The following ATXN10 variants were observed in gnomAD, a reference collection of about 807,000 sequenced individuals.
ATXN10 encodes ataxin-10.
In ATXN10, 28 loss-of-function variants were observed where a neutral mutation model predicts 52.9. That is an observed-to-expected ratio of 0.53 (90% confidence interval 0.39 to 0.73). The LOEUF (loss-of-function observed/expected upper bound fraction) is 0.73, where lower values mean the gene tolerates loss of function less well. ATXN10 is among the 30% of genes least tolerant of loss of function. The probability of loss-of-function intolerance (pLI) is 0.00; values close to 1 mark genes in which losing one functional copy is unlikely to be tolerated. For synonymous variants in ATXN10, 226 were observed against 221.5 expected (o/e 1.02, Z -0.18); for missense variants, 565 against 577.0 (o/e 0.98, Z 0.21).
At position 45,787,520 on chromosome 22, in the gene ATXN10, G is replaced by C. The variant is rs1359630446; in HGVS notation, c.1174-19439G>C. On this transcript the variant is annotated intron_variant, in intron 9 of 11. Transcript: ENST00000252934. This position sits in a 1 kb window ranked among gnomAD's most constrained non-coding sequence, Gnocchi z 4.2. ...CCCAAGCCTGGCATTTGCTTCTTTT[G>C]ACCTTCGGTACTCAGTAGACTTACT... Among the ~76,000 whole-genome samples the C allele has an allele frequency of 3.3e-5, 5 of 152,108 alleles. No homozygotes were observed. The highest frequency in any genetic ancestry group is 2.6e-4 in the Admixed American group (4 of 15,278).
At chr22:45,721,344 C>G (rs866175243) in intron 6 of ATXN10, among the ~76,000 whole-genome samples, 1 of 152,114 alleles carries the variant, frequency 6.6e-6, no homozygotes, top group Non-Finnish European at 1.5e-5. Flanking sequence ...AGGACAGATG[C>G]TAGTGCTGCC....
At position 45,790,797 on chromosome 22, in the gene ATXN10, A is replaced by G. The variant is rs746107908; in HGVS notation, c.1174-16162A>G. 6.6e-6 allele frequency among the ~76,000 whole-genome samples: 1 copy of G among 152,024 alleles called. No individual in the cohort carries two copies. The highest frequency in any genetic ancestry group is 1.9e-4 in the East Asian group (1 of 5,192). ...ACACAGTGCGTTTTCATTCCTCTTT[A>G]TATCTTTTTATCCTGACCTTCTAGA... On this transcript the variant is annotated intron_variant, in intron 9 of 11. Transcript: ENST00000252934. The surrounding 1 kb of genome is among the most constrained non-coding windows in gnomAD (Gnocchi z 4.7).
rs751942762 is a variant in ATXN10, at chr22:45,697,992, T to A, written c.392-2290T>A. On this transcript the variant is annotated intron_variant, in intron 3 of 11. Transcript: ENST00000252934. ...TGTGTATCATTACTTCGTTCCTCTT[T>A]ATGGTGGAATAATACTCCGTTGTTT... is the stretch of plus-strand genomic sequence containing the variant. 5.3e-5 allele frequency among the ~76,000 whole-genome samples: 8 copies of A among 152,244 alleles called. 2 individuals carry two copies. The highest frequency in any genetic ancestry group is 3.3e-4 in the Admixed American group (5 of 15,288).
At chr22:45,768,383 A>G (rs566760831) in intron 9 of ATXN10, among the ~76,000 whole-genome samples, 12 of 152,160 alleles carry the variant, frequency 7.9e-5, no homozygotes, top group Middle Eastern at 3.4e-3. Context: ...TGGTTTGAGG[A>G]TGAAAAAAAA....
intron 9 of ATXN10, among the ~76,000 whole-genome samples, chr22:45,756,971 C>G (rs1383916544): frequency 6.6e-6 from 1 of 152,156 alleles, no homozygotes; most frequent in African/African-American, 2.4e-5. Context: ...GAATCCCACT[C>G]CATCAGCACG....
chr22:45,806,329 G>C (rs1195894212), intron 9 of ATXN10, among the ~76,000 whole-genome samples: 1 of 151,984 alleles, frequency 6.6e-6, no homozygotes, highest in Non-Finnish European at 1.5e-5. Flanking sequence ...TGTCTTTTTA[G>C]TTTATTTGTA....
intron 10 of ATXN10, among the ~76,000 whole-genome samples, chr22:45,807,566 T>C (rs949356544): frequency 1.3e-5 from 2 of 152,258 alleles, no homozygotes; most frequent in African/African-American, 4.8e-5. Flanking sequence ...CTGAGAGCAC[T>C]GGCTCTTGCC....
At chr22:45,765,905 T>C (rs1042920372) in intron 9 of ATXN10, among the ~76,000 whole-genome samples, 4 of 152,112 alleles carry the variant, frequency 2.6e-5, no homozygotes, top group African/African-American at 9.7e-5. Flanking sequence ...GATAAATAAA[T>C]GAGCAGTAAT....
chr22:45,702,245 C>T (rs1361351656), intron 4 of ATXN10, among the ~76,000 whole-genome samples: 1 of 152,180 alleles, frequency 6.6e-6, no homozygotes, highest in Non-Finnish European at 1.5e-5. Context: ...GGAGTTATAG[C>T]GAGGCTCCTG....
intron 5 of ATXN10, among the ~76,000 whole-genome samples, chr22:45,709,492 G>A (rs935557149): frequency 2.6e-5 from 4 of 151,730 alleles, no homozygotes; most frequent in Admixed American, 6.6e-5. Context: ...TCTCATCTTT[G>A]TCTCATTTTT....
In ATXN10 at chr22:45,769,304, A is replaced by C. The variant is rs1052501809; in HGVS notation, c.1173+28766A>C. Among the ~76,000 whole-genome samples the C allele has an allele frequency of 6.6e-6, 1 of 152,002 alleles. No homozygotes were observed. The highest frequency in any genetic ancestry group is 1.5e-5 in the Non-Finnish European group (1 of 68,018). On this transcript the variant is annotated intron_variant, in intron 9 of 11. Transcript: ENST00000252934. This position sits in a 1 kb window ranked among gnomAD's most constrained non-coding sequence, Gnocchi z 4.2. ...CGTTCATCCCCTCTCCCCCATACAG[A>C]CACATTTTTGTTGTTATATTCATAG...
chr22:45,842,846 T>G lies in ATXN10; in HGVS notation c.1238-145T>G. On this transcript the variant is annotated intron_variant, in intron 10 of 11. Coordinates refer to ENST00000252934, the MANE Select transcript of ATXN10 (RefSeq NM_013236.4). The surrounding 1 kb of genome is among the most constrained non-coding windows in gnomAD (Gnocchi z 4.8). The stretch of plus-strand genomic sequence containing the variant: ...AATGTGTTTGCACTTGAGATGCATA[T>G]TCAGAGAATGCATCCTCAAGAAAAC... 1.1e-6 allele frequency: 1 copy of G among 871,256 alleles called. No homozygotes were observed. Among genetic ancestry groups the G allele is most frequent in the Non-Finnish European group, 1.9e-6 (1 of 531,572 alleles). 54.0% of individuals were successfully genotyped at this position (871,256 alleles called of 1,614,324 possible). A position where few individuals can be genotyped will look rare whatever the true frequency, so the allele number is the denominator to read the frequency against.
chr22:45,697,703 C>T (rs1923670084), intron 3 of ATXN10, among the ~76,000 whole-genome samples: 1 of 152,268 alleles, frequency 6.6e-6, no homozygotes, highest in African/African-American at 2.4e-5. Context: ...GATCTCGGCT[C>T]ACTGCAGGCT....
At chr22:45,711,387 T>C (rs899186323) in intron 5 of ATXN10, among the ~76,000 whole-genome samples, 6 of 152,144 alleles carry the variant, frequency 3.9e-5, no homozygotes, top group African/African-American at 7.2e-5. Context: ...GCTGGAGTTA[T>C]AGGCGGGTGA....
chr22:45,842,917 C>A lies in ATXN10; in HGVS notation c.1238-74C>A, dbSNP rs1196896394. The stretch of plus-strand genomic sequence containing the variant: ...TTCCGTGTTTCTGTGCTCCTCTACT[C>A]CTTTTCTGATAATTCTTATGTGAAG... On this transcript the variant is annotated intron_variant, in intron 10 of 11. Transcript: ENST00000252934. This position sits in a 1 kb window ranked among gnomAD's most constrained non-coding sequence, Gnocchi z 4.8. 1.3e-6 allele frequency: 2 copies of A among 1,511,890 alleles called. No homozygotes were observed. Among genetic ancestry groups the A allele is most frequent in the Non-Finnish European group, 1.8e-6 (2 of 1,088,328 alleles). The allele number at this position is 1,511,890 out of a possible 1,614,324, so 93.7% of individuals were successfully genotyped here. A position where few individuals can be genotyped will look rare whatever the true frequency, so the allele number is the denominator to read the frequency against.
chr22:45,711,720 C>T (rs867669653), intron 5 of ATXN10, among the ~76,000 whole-genome samples: 9 of 152,258 alleles, frequency 5.9e-5, no homozygotes, highest in Middle Eastern at 3.4e-3. Context: ...AACCCAAACT[C>T]GGTAAAGCAC....
At chr22:45,829,882 A>G (rs12167989) in intron 10 of ATXN10, among the ~76,000 whole-genome samples, 6 of 152,194 alleles carry the variant, frequency 3.9e-5, no homozygotes, top group Non-Finnish European at 8.8e-5. Context: ...TCCAAACTTC[A>G]TATGGAATCC....
rs1424071214 is a variant in ATXN10 at position 45,780,472 on chromosome 22, CTG to C, written c.1174-26486_1174-26485del. On this transcript the variant is annotated intron_variant, in intron 9 of 11. Transcript: ENST00000252934. The surrounding 1 kb of genome is among the most constrained non-coding windows in gnomAD (Gnocchi z 4.0). Reference sequence around the variant, plus strand: ...CAGTGTGGTGGGAGGAGGTCTGGCTCTGGAGTCAGGCAGACCTAGGTTCAACC... The same window carrying C: ...CAGTGTGGTGGGAGGAGGTCTGGCTCGAGTCAGGCAGACCTAGGTTCAACC... 6.7e-6 allele frequency among the ~76,000 whole-genome samples: 1 copy of C among 149,744 alleles called. No homozygotes were observed. Among genetic ancestry groups the C allele is most frequent in the Non-Finnish European group, 1.5e-5 (1 of 66,366 alleles).
chr22:45,778,779 G>T lies in ATXN10; in HGVS notation c.1174-28180G>T, dbSNP rs1927047426. On this transcript the variant is annotated intron_variant, in intron 9 of 11. Transcript: ENST00000252934. ...TACACAGGATGGCTCACATGGAAAA[G>T]ATGAGAATGGGAAAAGTAAACATTT... Among the ~76,000 whole-genome samples, 4 of 152,176 alleles carry T rather than the reference G, an allele frequency of 2.6e-5. No individual in the cohort carries two copies. The South Asian group carries it at 8.3e-4, about 32-fold the overall frequency.
Sources: gnomAD v4.1 joint callset for allele counts (sites outside exome capture counted in the v4.1 genomes callset) on GRCh38, gnomAD v4.1.1 for gene constraint, Gnocchi (gnomAD v3.1) non-coding constraint, MANE v1.5 for transcripts, NCBI Gene and HGNC (gene_info 2026-07-23, HGNC 2026-07-21) for gene names.